Variants in CXADR observed in about 807,000 individuals in gnomAD.
The protein encoded by CXADR is coxsackievirus and adenovirus receptor.
CXADR carries 20 observed loss-of-function variants against 40.3 expected under a neutral mutation model. The ratio of observed to expected loss-of-function variants is 0.50; its 90% CI spans 0.35 to 0.72. The LOEUF is 0.72. Among genes scored for constraint, CXADR ranks in the 30% least tolerant of loss-of-function variants. The pLI is 0.01. For missense variants in CXADR, 332 were observed against 449.1 expected (o/e 0.74, Z 2.36); for synonymous variants, 150 against 161.3 (o/e 0.93, Z 0.53).
intron 7 of CXADR, among the ~76,000 whole-genome samples, chr21:17,584,758 G>T (rs545918438): frequency 6.6e-6 from 1 of 152,316 alleles, no homozygotes; most frequent in East Asian, 1.9e-4. Flanking sequence ...TTGAACCCAG[G>T]AGGCGGAGGT....
At chr21:17,576,460 G>T (rs1323056997) in intron 7 of CXADR, among the ~76,000 whole-genome samples, 3 of 152,104 alleles carry the variant, frequency 2.0e-5, no homozygotes, top group African/African-American at 7.2e-5. Context: ...ATACAGGCTG[G>T]CACCTGGTCA....
At chr21:17,532,105 AT>A (rs1035475726) in intron 1 of CXADR, among the ~76,000 whole-genome samples, 6 of 149,306 alleles carry the variant, frequency 4.0e-5, no homozygotes, top group South Asian at 4.3e-4. Context: ...TAACTTAAAA[AT>A]TTTTTTTTTA....
Position 17,566,109 on chromosome 21 carries a change from T to A in CXADR, c.*417T>A, listed in dbSNP as rs1422589330. 1 of 984,160 alleles carries A rather than the reference T, an allele frequency of 1.0e-6. No homozygotes were observed. Among genetic ancestry groups the A allele is most frequent in the African/African-American group, 1.7e-5 (1 of 57,224 alleles). The allele number at this position is 984,160 out of a possible 1,614,324, so 61.0% of individuals were successfully genotyped here. A position where few individuals can be genotyped will look rare whatever the true frequency, so the allele number is the denominator to read the frequency against. On this transcript the variant is annotated 3_prime_UTR_variant, in exon 7 of 7. Coordinates refer to ENST00000284878, the MANE Select transcript of CXADR (RefSeq NM_001338.5). The stretch of plus-strand genomic sequence containing the variant: ...TTTTTAGGATGTGTATTTCATTTAT[T>A]TATGGCCCACCAGTCTCCCCCAAAT...
At chr21:17,565,120 CTATT>C (rs999458607) in intron 6 of CXADR, among the ~76,000 whole-genome samples, 7 of 152,136 alleles carry the variant, frequency 4.6e-5, no homozygotes, top group African/African-American at 1.7e-4. Flanking sequence ...GAATATGAAA[CTATT>C]TGAGATTTGT....
chr21:17,514,866 C>T (rs1258400446), intron 1 of CXADR, among the ~76,000 whole-genome samples: 1 of 151,890 alleles, frequency 6.6e-6, no homozygotes, highest in African/African-American at 2.4e-5. Flanking sequence ...TCAGGTGATC[C>T]GCCTCCCTCA....
rs755654614 is a variant in CXADR at position 17,547,240 on chromosome 21, A to G, written c.210+47A>G. 5 of 1,610,384 alleles carry G rather than the reference A, an allele frequency of 3.1e-6. No individual in the cohort carries two copies. The Admixed American group carries it at 6.7e-5, about 22-fold the overall frequency. ...TCGCTTAGCAGCTGTCTGTGCAACT[A>G]TCTGATGTGTCCATCACCTTGCCAG... On this transcript the variant is annotated intron_variant, in intron 2 of 6. Coordinates refer to ENST00000284878, the MANE Select transcript of CXADR (RefSeq NM_001338.5).
At chr21:17,579,439 C>T (rs142277883) in intron 7 of CXADR, among the ~76,000 whole-genome samples, 4,321 of 152,138 alleles carry the variant, frequency 0.028, 77 homozygotes, top group Middle Eastern at 0.054. Context: ...TGCATGCCAC[C>T]ACACCCAGCT....
rs1601040180 is a variant in CXADR, at chr21:17,569,575, C to T, written c.*3883C>T. ...ATTCCTTTTATAAATGTTATAGAAG[C>T]AGGGAAGAATAATAAACACATTTGT... On this transcript the variant is annotated 3_prime_UTR_variant, in exon 7 of 7. Transcript: ENST00000284878. 3 of 985,030 alleles carry T rather than the reference C, an allele frequency of 3.0e-6. No individual in the cohort carries two copies. Among genetic ancestry groups the T allele is most frequent in the Non-Finnish European group, 3.6e-6 (3 of 829,810 alleles). The allele number at this position is 985,030 out of a possible 1,614,324, so 61.0% of individuals were successfully genotyped here.
At position 17,569,734 on chromosome 21, in the gene CXADR, T is replaced by C; in HGVS notation, c.*4042T>C. Reference sequence around the variant, plus strand: ...TTATAATTTAAGAATATAGTACATATCAGTTGGGTTTGGTTTTGGTCATCG... The same window carrying C: ...TTATAATTTAAGAATATAGTACATACCAGTTGGGTTTGGTTTTGGTCATCG... On this transcript the variant is annotated 3_prime_UTR_variant, in exon 7 of 7. Transcript: ENST00000284878. 1.0e-6 allele frequency: 1 copy of C among 970,150 alleles called. No individual in the cohort carries two copies. The highest frequency in any genetic ancestry group is 1.2e-6 in the Non-Finnish European group (1 of 816,240). 60.1% of individuals were successfully genotyped at this position (970,150 alleles called of 1,614,324 possible).
the CXADR span, among the ~76,000 whole-genome samples, chr21:17,630,784 C>T: frequency 6.6e-6 from 1 of 151,126 alleles, no homozygotes. Context: ...ATATAATCTA[C>T]ATTTCACTGT....
At chr21:17,590,707 C>A (rs953702092) in intron 7 of CXADR, among the ~76,000 whole-genome samples, 2 of 151,992 alleles carry the variant, frequency 1.3e-5, no homozygotes, top group African/African-American at 4.8e-5. Flanking sequence ...AGTTTACTAA[C>A]GTTGTACACT....
the CXADR span, chr21:17,612,018 G>A: frequency 1.3e-5 from 2 of 152,398 alleles, no homozygotes; most frequent in African/African-American, 4.8e-5. Flanking sequence ...TTTTCCAAGG[G>A]GCTAAGAGTT....
chr21:17,529,822 C>G (rs1245070047), intron 1 of CXADR, among the ~76,000 whole-genome samples: 2 of 152,254 alleles, frequency 1.3e-5, no homozygotes, highest in East Asian at 3.9e-4. Flanking sequence ...CAGGGTAGAG[C>G]ATTGTCACAA....
At chr21:17,577,327 A>C (rs1460583670) in intron 7 of CXADR, among the ~76,000 whole-genome samples, 3 of 152,146 alleles carry the variant, frequency 2.0e-5, no homozygotes, top group Non-Finnish European at 4.4e-5. Context: ...TTTTCTACTT[A>C]ATATTATTGT....
At chr21:17,557,247 G>T (rs544825570) in intron 3 of CXADR, among the ~76,000 whole-genome samples, 1 of 152,172 alleles carries the variant, frequency 6.6e-6, no homozygotes, top group Non-Finnish European at 1.5e-5. Context: ...TAGTAGTAAA[G>T]CATAGACTAT....
At chr21:17,543,954 A>G (rs2060861172) in intron 1 of CXADR, among the ~76,000 whole-genome samples, 1 of 152,146 alleles carries the variant, frequency 6.6e-6, no homozygotes, top group African/African-American at 2.4e-5. Context: ...CTTGAGCCTC[A>G]GGAGTTAGAG....
chr21:17,627,367 A>G, the CXADR span, among the ~76,000 whole-genome samples: 1 of 152,214 alleles, frequency 6.6e-6, no homozygotes, highest in Non-Finnish European at 1.5e-5. Context: ...GAAAAAAAAG[A>G]GAACTGGAGT....
downstream of CXADR, chr21:17,593,916 A>G (rs2061468299): frequency 1.2e-6 from 1 of 813,544 alleles, no homozygotes; most frequent in East Asian, 2.9e-5. Context: ...CTATATCAAT[A>G]TCTAAAGTGC....
intron 1 of CXADR, among the ~76,000 whole-genome samples, chr21:17,522,389 C>T (rs1377229312): frequency 6.6e-6 from 1 of 152,110 alleles, no homozygotes; most frequent in African/African-American, 2.4e-5. Context: ...CTCAGGTGAT[C>T]CGCCCGCCTC....
Sources: gnomAD v4.1 joint callset for allele counts (sites outside exome capture counted in the v4.1 genomes callset) on GRCh38, gnomAD v4.1.1 for gene constraint, MANE v1.5 for transcripts, NCBI Gene and HGNC (gene_info 2026-07-23, HGNC 2026-07-21) for gene names.